Variants in ARCN1 observed in about 807,000 individuals in gnomAD.
ARCN1 encodes the protein archain 1 coat protein complex I subunit delta, also known as coatomer subunit delta.
In ARCN1, 5 loss-of-function variants were observed where a neutral mutation model predicts 60.4. The observed-to-expected ratio is 0.08, with a 90% CI of 0.04 to 0.17. The LOEUF (loss-of-function observed/expected upper bound fraction) is 0.17. Among genes scored for constraint, ARCN1 ranks in the 10% least tolerant of loss-of-function variants. The pLI is 1.00. For missense variants in ARCN1, 464 were observed against 626.5 expected (o/e 0.74, Z 2.77); for synonymous variants, 224 against 220.0 (o/e 1.02, Z -0.16).
Position 118,581,210 on chromosome 11 carries a change from A to G in ARCN1, c.4-36A>G, listed in dbSNP as rs1938641670. On this transcript the variant is annotated intron_variant, in intron 1 of 9. Transcript: ENST00000264028. ...ATGCTGAGAAAACAGATGTGAAGAA[A>G]TAATTAGTACTTACTTATGCATATG... 3 of 1,604,744 alleles carry G rather than the reference A, an allele frequency of 1.9e-6. No homozygotes were observed. In the South Asian group the frequency reaches 3.3e-5, roughly 18 times the overall value.
intron 6 of ARCN1, 118 bp downstream of exon 6, chr11:118,590,624 C>T (rs1555076197): frequency 6.7e-6 from 7 of 1,042,264 alleles, no homozygotes; most frequent in South Asian, 4.8e-5. Flanking sequence ...ACTAGCATCA[C>T]TCTAAACGCT....
chr11:118,580,441 C>T (rs1345051188), intron 1 of ARCN1, among the ~76,000 whole-genome samples: 1 of 152,044 alleles, frequency 6.6e-6, no homozygotes, highest in East Asian at 1.9e-4. Context: ...GTATCCCAGA[C>T]AATTATTTTA....
chr11:118,585,694 C>T (rs1938763319), intron 5 of ARCN1, among the ~76,000 whole-genome samples: 1 of 152,088 alleles, frequency 6.6e-6, no homozygotes, highest in Admixed American at 6.5e-5. Context: ...CATGCACCAC[C>T]ACGCTGGGCT....
intron 1 of ARCN1, 154 bp downstream of exon 1, chr11:118,572,704 G>A: frequency 1.2e-6 from 1 of 869,516 alleles, no homozygotes; most frequent in East Asian, 2.9e-5. Context: ...GGCCTCCTGT[G>A]CCCGGTCTCC....
At chr11:118,599,016 A>G (rs782465729) in intron 9 of ARCN1, among the ~76,000 whole-genome samples, 70 of 151,296 alleles carry the variant, frequency 4.6e-4, no homozygotes, top group Non-Finnish European at 8.7e-4. Flanking sequence ...CTGGTCTCGA[A>G]ATCCTGACCT....
At chr11:118,575,344 T>A (rs1938467993) in intron 1 of ARCN1, among the ~76,000 whole-genome samples, 1 of 152,144 alleles carries the variant, frequency 6.6e-6, no homozygotes, top group Non-Finnish European at 1.5e-5. Context: ...ATGATTCTCT[T>A]GAGTTTCCAT....
intron 8 of ARCN1, among the ~76,000 whole-genome samples, chr11:118,596,672 A>G (rs1939032735): frequency 6.6e-6 from 1 of 152,188 alleles, no homozygotes; most frequent in Non-Finnish European, 1.5e-5. Flanking sequence ...TAAATTTAGA[A>G]TGTGTAGGAG....
Position 118,601,715 on chromosome 11 carries a change from TC to T in ARCN1, c.*1003del, listed in dbSNP as rs1555078184. The T allele has an allele frequency of 4.3e-6, 3 of 703,022 alleles. No homozygotes were observed. The highest frequency in any genetic ancestry group is 2.3e-4 in the Middle Eastern group (1 of 4,368). 43.5% of individuals were successfully genotyped at this position (703,022 alleles called of 1,614,324 possible). On this transcript the variant is annotated 3_prime_UTR_variant, in exon 10 of 10. Coordinates refer to ENST00000264028, the MANE Select transcript of ARCN1 (RefSeq NM_001655.5). ...CAAGTTGTTTTCCTTTCAGGGCCTG[TC>T]CTTCCAGTTTAGAACAGTACCATGA...
In ARCN1 at chr11:118,601,367, T is replaced by G; in HGVS notation, c.*653T>G. The G allele has an allele frequency of 2.0e-6, 1 of 502,874 alleles. No homozygotes were observed. 31.2% of individuals were successfully genotyped at this position (502,874 alleles called of 1,614,324 possible). A position where few individuals can be genotyped will look rare whatever the true frequency, so the allele number is the denominator to read the frequency against. ...ATGAGCCACCATGCCCAGCTGCTCC[T>G]TTATTTTAATCCCTAAATATAATCC... is the stretch of plus-strand genomic sequence containing the variant. On this transcript the variant is annotated 3_prime_UTR_variant, in exon 10 of 10. Coordinates refer to ENST00000264028, the MANE Select transcript of ARCN1 (RefSeq NM_001655.5).
chr11:118,590,655 T>G, intron 6 of ARCN1, 149 bp downstream of exon 6: 7 of 780,230 alleles, frequency 9.0e-6, no homozygotes, highest in Admixed American at 2.9e-5. Flanking sequence ...GTTAATATAT[T>G]GCATACAGTA....
intron 1 of ARCN1, among the ~76,000 whole-genome samples, chr11:118,580,960 C>G (rs1031258438): frequency 6.6e-6 from 1 of 152,138 alleles, no homozygotes; most frequent in Non-Finnish European, 1.5e-5. Context: ...TAGCGAGATA[C>G]TGTCTCTACT....
intron 1 of ARCN1, among the ~76,000 whole-genome samples, chr11:118,578,060 G>A (rs1938562861): frequency 1.3e-5 from 2 of 152,096 alleles, no homozygotes; most frequent in African/African-American, 4.8e-5. Context: ...TACTCAGGAG[G>A]CTGAGGCATG....
intron 3 of ARCN1, 63 bp downstream of exon 3, chr11:118,583,421 C>A: frequency 6.7e-7 from 1 of 1,488,966 alleles, no homozygotes; most frequent in East Asian, 2.4e-5. Flanking sequence ...TCACTAATCT[C>A]ATTTTCCTAT....
chr11:118,587,121 G>A (rs1382595293), intron 5 of ARCN1, among the ~76,000 whole-genome samples: 1 of 152,208 alleles, frequency 6.6e-6, no homozygotes, highest in African/African-American at 2.4e-5. Context: ...CCAGCCAAAC[G>A]TATGTCTATT....
rs371150259 is a variant in ARCN1, at chr11:118,593,566, A to G, written c.1133-24A>G. 4.6e-6 allele frequency: 7 copies of G among 1,530,068 alleles called. No individual in the cohort carries two copies. In the African/African-American group the frequency reaches 8.2e-5, roughly 18 times the overall value. 94.8% of individuals were successfully genotyped at this position (1,530,068 alleles called of 1,614,324 possible). On this transcript the variant is annotated intron_variant, in intron 7 of 9. Coordinates refer to ENST00000264028, the MANE Select transcript of ARCN1 (RefSeq NM_001655.5). Reference sequence around the variant, plus strand: ...AGCCATCTTTTTCTAATATTCTAGTATGACTGCTTTGCTTTCTCCTCAGTT... The same window carrying G: ...AGCCATCTTTTTCTAATATTCTAGTGTGACTGCTTTGCTTTCTCCTCAGTT...
At chr11:118,572,761 C>G in intron 1 of ARCN1, 2 of 510,526 alleles carry the variant, frequency 3.9e-6, no homozygotes, top group Non-Finnish European at 6.9e-6. Context: ...GTCGTGCCCG[C>G]TTCCGCACCA....
Position 118,572,560 on chromosome 11 carries a change from G to T in ARCN1, c.3+10G>T, listed in dbSNP as rs371926699. On this transcript the variant is annotated intron_variant, in intron 1 of 9. Coordinates refer to ENST00000264028, the MANE Select transcript of ARCN1 (RefSeq NM_001655.5). ...CACCGCCCTCACCATGGTAAGATCC[G>T]AGCCAGGACCCGAACTCCTGGGGTC... 8 of 1,608,512 alleles carry T rather than the reference G, an allele frequency of 5.0e-6. No homozygotes were observed. In the African/African-American group the frequency reaches 8.0e-5, roughly 16 times the overall value.
intron 8 of ARCN1, among the ~76,000 whole-genome samples, chr11:118,597,206 A>G (rs977357219): frequency 6.6e-6 from 1 of 152,220 alleles, no homozygotes; most frequent in Non-Finnish European, 1.5e-5. Context: ...ACTCTGTCTC[A>G]AAAAACAAAT....
intron 1 of ARCN1, among the ~76,000 whole-genome samples, chr11:118,577,922 A>G (rs1377191969): frequency 6.6e-6 from 1 of 152,112 alleles, no homozygotes; most frequent in Admixed American, 6.6e-5. Context: ...TTTGGAGGCC[A>G]AGGCGCGCAG....
Sources: gnomAD v4.1 joint callset for allele counts (sites outside exome capture counted in the v4.1 genomes callset) on GRCh38, gnomAD v4.1.1 for gene constraint, MANE v1.5 for transcripts, NCBI Gene and HGNC (gene_info 2026-07-23, HGNC 2026-07-21) for gene names.